UNKL: variants seen among roughly 807,000 people sequenced by gnomAD.
UNKL encodes the protein putative E3 ubiquitin-protein ligase UNKL.
UNKL carries 60 observed loss-of-function variants against 78.0 expected under a neutral mutation model. That is an observed-to-expected ratio of 0.77 (90% CI 0.63 to 0.95). The LOEUF is 0.95. Among genes scored for constraint, UNKL ranks in the 40% least tolerant of loss-of-function variants. The pLI is 0.00. For synonymous variants in UNKL, 608 were observed against 474.8 expected (o/e 1.28, Z -3.65); for missense variants, 1,159 against 1,045.7 (o/e 1.11, Z -1.49).
chr16:1,398,817 G>A (rs1289489926), intron 5 of UNKL: 7 of 1,553,268 alleles, frequency 4.5e-6, no homozygotes. Context: ...AAACCCACAA[G>A]CCAGACCCAG....
At position 1,367,338 on chromosome 16, in the gene UNKL, G is replaced by T; in HGVS notation, c.1800C>A (p.Ala600=). 1 of 1,543,658 alleles carries T rather than the reference G, an allele frequency of 6.5e-7. No individual in the cohort carries two copies. ...TGGCCTCCTGCGCCTCTCGCTGCCA[G>T]GCATCGCAGACCTGAAACCCAGGGC... The part of the protein sequence containing the change: ...SWQQVKQVCD[A]WQREAQEAKE... The change falls in exon 14 of 15, where the codon GCC becomes GCA. Residue 600 remains alanine (A), a synonymous_variant. Coordinates refer to ENST00000389221, the MANE Select transcript of UNKL (RefSeq NM_001372107.1).
At chr16:1,388,938 T>A (rs192922721) in intron 9 of UNKL, among the ~76,000 whole-genome samples, 371 of 152,348 alleles carry the variant, frequency 2.4e-3, no homozygotes, top group African/African-American at 8.3e-3. Context: ...TGGCCATGGT[T>A]TGGTGTAGTA....
chr16:1,375,630 G>A (rs1466560970), intron 10 of UNKL, among the ~76,000 whole-genome samples: 5 of 152,180 alleles, frequency 3.3e-5, no homozygotes, highest in Admixed American at 3.3e-4. Flanking sequence ...AGGGACTTTC[G>A]AAGGTCTTAT....
chr16:1,414,204 C>G, intron 1 of UNKL, 149 bp from the exon 2 acceptor site: 1 of 776,766 alleles, frequency 1.3e-6, no homozygotes, highest in South Asian at 1.9e-5. Flanking sequence ...CTGCGCCCAC[C>G]CCCATCCCGA....
chr16:1,395,564 G>C (rs2037223904), intron 6 of UNKL: 2 of 405,092 alleles, frequency 4.9e-6, no homozygotes, highest in African/African-American at 4.1e-5. Context: ...GCACCTTCTA[G>C]TGGAGGCACA....
rs2035120155 is a variant in UNKL, at chr16:1,364,923, A to C, written c.*1317T>G. On this transcript the variant is annotated 3_prime_UTR_variant, in exon 15 of 15. Transcript: ENST00000389221. ...AGTTCACTGCCTGACCCCTGCCAGG[A>C]CGCCCAGCGACATCTCCAAGGAGCT... 2 of 151,932 alleles carry C rather than the reference A, an allele frequency of 1.3e-5. No individual in the cohort carries two copies. The highest frequency in any genetic ancestry group is 1.3e-4 in the Admixed American group (2 of 15,234). The allele number at this position is 151,932 out of a possible 1,614,324, so 9.4% of individuals were successfully genotyped here. A position where few individuals can be genotyped will look rare whatever the true frequency, so the allele number is the denominator to read the frequency against.
chr16:1,406,371 C>A (rs375643899), intron 2 of UNKL, among the ~76,000 whole-genome samples: 24 of 152,266 alleles, frequency 1.6e-4, no homozygotes, highest in African/African-American at 2.9e-4. Context: ...TGCCACCATG[C>A]CTGGCTAATT....
At chr16:1,401,277 C>T (rs762927057) in intron 4 of UNKL, 12 of 319,098 alleles carry the variant, frequency 3.8e-5, no homozygotes, top group African/African-American at 6.4e-5. Flanking sequence ...TCACGAGTTC[C>T]GGTGGGAGTT....
chr16:1,377,514 CT>C (rs1427536198), intron 10 of UNKL, among the ~76,000 whole-genome samples: 2 of 152,076 alleles, frequency 1.3e-5, no homozygotes, highest in Non-Finnish European at 2.9e-5. Flanking sequence ...TCCACTCCCC[CT>C]GCAGCTGTTT....
intron 9 of UNKL, 40 bp from the exon 10 acceptor site, chr16:1,385,425 C>G (rs987896062): frequency 7.8e-7 from 1 of 1,289,648 alleles, no homozygotes; most frequent in Admixed American, 4.1e-5. Context: ...GCACCCCCTG[C>G]GTGGAGGAGG....
chr16:1,388,747 C>T (rs1187386675), intron 9 of UNKL, among the ~76,000 whole-genome samples: 1 of 152,094 alleles, frequency 6.6e-6, no homozygotes, highest in Non-Finnish European at 1.5e-5. Flanking sequence ...ACCGTTCTCC[C>T]CGTGGGGACG....
intron 8 of UNKL, among the ~76,000 whole-genome samples, chr16:1,392,021 T>C (rs2037071775): frequency 6.6e-6 from 1 of 152,212 alleles, no homozygotes; most frequent in Non-Finnish European, 1.5e-5. Flanking sequence ...AACGTGGCTC[T>C]CTGACCTTGG....
intron 9 of UNKL, among the ~76,000 whole-genome samples, chr16:1,385,971 C>T (rs1415866634): frequency 1.3e-5 from 2 of 152,216 alleles, no homozygotes; most frequent in Non-Finnish European, 2.9e-5. Context: ...GATAATAGAT[C>T]AAAAGAAAAA....
rs1325653132 is a variant in UNKL at position 1,367,517 on chromosome 16, TCCC to T, written c.1788+136_1788+138del. ...CCCTCCCTCCCTCCCTCCCTCCCCC[TCCC>T]GTCTCACCCCCCACACGCTCACCTG... is the stretch of plus-strand genomic sequence containing the variant. On this transcript the variant is annotated intron_variant, in intron 13 of 14. Coordinates refer to ENST00000389221, the MANE Select transcript of UNKL (RefSeq NM_001372107.1). 56 of 95,448 alleles carry T rather than the reference TCCC, an allele frequency of 5.9e-4. 1 individual carries two copies. The highest frequency in any genetic ancestry group is 4.3e-3 in the Middle Eastern group (1 of 232). The allele number at this position is 95,448 out of a possible 1,614,324, so 5.9% of individuals were successfully genotyped here. A position where few individuals can be genotyped will look rare whatever the true frequency, so the allele number is the denominator to read the frequency against.
In UNKL at chr16:1,386,254, CA is replaced by C. The variant is rs989961073; in HGVS notation, c.1087-870del. Among the ~76,000 whole-genome samples the C allele has an allele frequency of 4.0e-5, 6 of 151,874 alleles. No individual in the cohort carries two copies. In the South Asian group the frequency reaches 1.2e-3, roughly 32 times the overall value. On this transcript the variant is annotated intron_variant, in intron 9 of 14. Coordinates refer to ENST00000389221, the MANE Select transcript of UNKL (RefSeq NM_001372107.1). ...CGAAACCCTGTCTCTACTAAAAATA[CA>C]AAAAAAATTAGCCAAGGCCGGGCGC...
chr16:1,389,708 C>T (rs1009332618), intron 9 of UNKL, among the ~76,000 whole-genome samples: 1 of 152,224 alleles, frequency 6.6e-6, no homozygotes, highest in African/African-American at 2.4e-5. Context: ...CCAGAGGACA[C>T]GGAGGAGGCA....
intron 11 of UNKL, among the ~76,000 whole-genome samples, chr16:1,370,886 A>C (rs1221215359): frequency 6.6e-6 from 1 of 152,192 alleles, no homozygotes; most frequent in Non-Finnish European, 1.5e-5. Flanking sequence ...GATGGAGACC[A>C]TCCTGGCTAA....
chr16:1,398,426 T>G, intron 5 of UNKL: 1 of 1,047,164 alleles, frequency 9.5e-7, no homozygotes, highest in Non-Finnish European at 1.2e-6. Context: ...AGACACTAAT[T>G]TGTGGTTTGT....
Position 1,364,085 on chromosome 16 carries a change from T to C in UNKL, c.*2155A>G, listed in dbSNP as rs1398924277. On this transcript the variant is annotated 3_prime_UTR_variant, in exon 15 of 15. Coordinates refer to ENST00000389221, the MANE Select transcript of UNKL (RefSeq NM_001372107.1). ...TCCAAATGGGAACCAAGTGCATAAATACAAATAAAAACAGAGTTTACACAT... is the reference window on the plus strand; with the variant it reads ...TCCAAATGGGAACCAAGTGCATAAACACAAATAAAAACAGAGTTTACACAT... 1 of 152,090 alleles carries C rather than the reference T, an allele frequency of 6.6e-6. No individual in the cohort carries two copies. The highest frequency in any genetic ancestry group is 1.5e-5 in the Non-Finnish European group (1 of 68,028). The allele number at this position is 152,090 out of a possible 1,614,324, so 9.4% of individuals were successfully genotyped here. A position where few individuals can be genotyped will look rare whatever the true frequency, so the allele number is the denominator to read the frequency against.
Sources: gnomAD v4.1 joint callset for allele counts (sites outside exome capture counted in the v4.1 genomes callset) on GRCh38, gnomAD v4.1.1 for gene constraint, MANE v1.5 for transcripts, NCBI Gene and HGNC (gene_info 2026-07-23, HGNC 2026-07-21) for gene names.